The following PHKG2 variants were observed in gnomAD, a reference collection of about 807,000 sequenced individuals.
The protein encoded by PHKG2 is phosphorylase b kinase gamma catalytic chain, liver/testis isoform.
Under a neutral mutation model 44.5 loss-of-function variants are expected in PHKG2, and 28 were observed. The ratio of observed to expected loss-of-function variants is 0.63; its 90% confidence interval spans 0.47 to 0.86. The LOEUF (loss-of-function observed/expected upper bound fraction) is 0.86. Ranked by LOEUF, PHKG2 falls within the 40% of genes least tolerant of loss-of-function variation. The pLI is 0.00. For synonymous variants in PHKG2, 220 were observed against 211.2 expected, an observed-to-expected ratio of 1.04 and a Z score of -0.36; for missense variants, 498 against 547.5, an observed-to-expected ratio of 0.91 and a Z score of 0.90.
intron 2 of PHKG2, among the ~76,000 whole-genome samples, chr16:30,749,620 A>G (rs1361302445): frequency 5.9e-5 from 9 of 152,198 alleles, no homozygotes; most frequent in African/African-American, 1.9e-4. Context: ...CTGGGATTAC[A>G]GGCGTGAGCC....
chr16:30,760,402 G>A lies in PHKG2; in HGVS notation c.*3305G>A, dbSNP rs1289601302. The A allele has an allele frequency of 3.1e-6, 5 of 1,614,056 alleles. No homozygotes were observed. Among genetic ancestry groups the A allele is most frequent in the African/African-American group, 1.3e-5 (1 of 74,926 alleles). On this transcript the variant is annotated 3_prime_UTR_variant, in exon 10 of 10. Coordinates refer to ENST00000563588, the MANE Select transcript of PHKG2 (RefSeq NM_000294.3). ...GGCAGAAGAGGTCCAGGGTGATGGC[G>A]TCCCTCAGGCTCTGCTCAGGACACC...
rs1427592127 is a variant in PHKG2, at chr16:30,760,742, G to A, written c.*3645G>A. 1.4e-6 allele frequency: 2 copies of A among 1,393,068 alleles called. No homozygotes were observed. The highest frequency in any genetic ancestry group is 2.9e-5 in the African/African-American group (2 of 69,856). 86.3% of individuals were successfully genotyped at this position (1,393,068 alleles called of 1,614,324 possible). On this transcript the variant is annotated 3_prime_UTR_variant, in exon 10 of 10. Transcript: ENST00000563588. The stretch of plus-strand genomic sequence containing the variant: ...CAAGGCTGTGACAGCTAGTGCGTGA[G>A]ACTGGGAGTTGGCCACCGGCGTGAA...
Position 30,756,573 on chromosome 16 carries a change from C to T in PHKG2, c.802-17C>T, listed in dbSNP as rs772388120. 6.0e-5 allele frequency: 97 copies of T among 1,613,426 alleles called. 2 individuals are homozygous for T. In the Admixed American group the frequency reaches 1.6e-3, roughly 27 times the overall value. On this transcript the variant is annotated splice_polypyrimidine_tract_variant and intron_variant, in intron 8 of 9. Coordinates refer to ENST00000563588, the MANE Select transcript of PHKG2 (RefSeq NM_000294.3). ...GGAGGCCCAAGAGCTGCCCCTCATG[C>T]TCTGGGTCTCTCCTAGATCTCCAGG...
intron 4 of PHKG2, chr16:30,751,920 C>G (rs2053351599): frequency 2.8e-6 from 1 of 354,084 alleles, no homozygotes; most frequent in Non-Finnish European, 5.5e-6. Context: ...AGTGAAACCC[C>G]ATCTCTACTA....
chr16:30,750,976 A>T lies in PHKG2; in HGVS notation c.96-130A>T, dbSNP rs185217162. 4.2e-5 allele frequency: 40 copies of T among 941,208 alleles called. No homozygotes were observed. The Admixed American group carries it at 7.5e-4, about 18-fold the overall frequency. 58.3% of individuals were successfully genotyped at this position (941,208 alleles called of 1,614,324 possible). The stretch of plus-strand genomic sequence containing the variant: ...GCTGTGAAGCCAGGGTGAGCTCCTA[A>T]GCTTGTTGCCCTGTGATCCAGATGG... On this transcript the variant is annotated intron_variant, in intron 2 of 9. Transcript: ENST00000563588.
Position 30,759,594 on chromosome 16 carries a change from A to T in PHKG2, c.*2497A>T, listed in dbSNP as rs766437980. 26 of 1,613,976 alleles carry T rather than the reference A, an allele frequency of 1.6e-5. No individual in the cohort carries two copies. The highest frequency in any genetic ancestry group is 2.1e-5 in the Non-Finnish European group (25 of 1,180,032). ...GATAAGGGTGATGAATGTGAGAGAG[A>T]CTGGGTGAGACCTTGTCTGGGGATG... On this transcript the variant is annotated 3_prime_UTR_variant, in exon 10 of 10. Transcript: ENST00000563588.
In PHKG2 at chr16:30,751,807, C is replaced by T. The variant is rs944518545; in HGVS notation, c.326+204C>T. The stretch of plus-strand genomic sequence containing the variant: ...ATTGAGGCAAATTCTTTAATAGTGA[C>T]TAGTGGCTGGGTGCAGTGGCTCACG... On this transcript the variant is annotated intron_variant, in intron 4 of 9. Coordinates refer to ENST00000563588, the MANE Select transcript of PHKG2 (RefSeq NM_000294.3). 32 of 655,764 alleles carry T rather than the reference C, an allele frequency of 4.9e-5. No individual in the cohort carries two copies. The African/African-American group carries it at 5.5e-4, about 11-fold the overall frequency. The allele number at this position is 655,764 out of a possible 1,614,324, so 40.6% of individuals were successfully genotyped here. A position where few individuals can be genotyped will look rare whatever the true frequency, so the allele number is the denominator to read the frequency against.
chr16:30,751,159 T>C lies in PHKG2; in HGVS notation c.149T>C (p.Phe50Ser). The part of the protein sequence containing the change: ...RCVHRATGHE[F>S]AVKIMEVTAE... Reference sequence around the variant, plus strand: ...GTTCATCGAGCTACTGGCCACGAGTTTGCGGTGAAGATTATGGAAGTGACA... The same window carrying C: ...GTTCATCGAGCTACTGGCCACGAGTCTGCGGTGAAGATTATGGAAGTGACA... Residue 50 changes from phenylalanine (F) to serine (S), a missense_variant, in exon 3 of 10, where the codon TTT becomes TCT. Phe to Ser is a radical substitution (Grantham distance 155). Transcript: ENST00000563588. 6.2e-7 allele frequency: 1 copy of C among 1,613,998 alleles called. No homozygotes were observed. The highest frequency in any genetic ancestry group is 2.2e-5 in the East Asian group (1 of 44,888).
chr16:30,748,461 C>T lies in PHKG2; in HGVS notation c.-48C>T. The T allele has an allele frequency of 3.1e-6, 1 of 317,534 alleles. No homozygotes were observed. Among genetic ancestry groups the T allele is most frequent in the Non-Finnish European group, 5.9e-6 (1 of 169,484 alleles). 19.7% of individuals were successfully genotyped at this position (317,534 alleles called of 1,614,324 possible). On this transcript the variant is annotated 5_prime_UTR_variant, in exon 1 of 10. Coordinates refer to ENST00000563588, the MANE Select transcript of PHKG2 (RefSeq NM_000294.3). Reference sequence around the variant, plus strand: ...AACCCGGCGACAGCGCAGCTCGCGTCGACCCTGGCTCCTCTGCCTGCCCCC... The same window carrying T: ...AACCCGGCGACAGCGCAGCTCGCGTTGACCCTGGCTCCTCTGCCTGCCCCC...
chr16:30,748,859 C>G lies in PHKG2; in HGVS notation c.39C>G (p.Asp13Glu), dbSNP rs1032047144. Residue 13 changes from aspartate (D) to glutamate (E), a missense_variant, in exon 2 of 10, where the codon GAC becomes GAG. Asp to Glu is a conservative substitution (Grantham distance 45). Transcript: ENST00000563588. ...TGGGGCCGGAGGATGAGCTGCCCGA[C>G]TGGGCCGCCGCCAAAGAGTTTTACC... ...LDVGPEDELP[D>E]WAAAKEFYQK... 3 of 1,554,078 alleles carry G rather than the reference C, an allele frequency of 1.9e-6. No individual in the cohort carries two copies. The highest frequency in any genetic ancestry group is 2.6e-6 in the Non-Finnish European group (3 of 1,148,334).
rs1486564205 is a variant in PHKG2 at position 30,753,406 on chromosome 16, G to T, written c.405G>T (p.Arg135=). ...CCCCTTCCCCCAGGTCCATCATGCG[G>T]TCTCTGCTGGAAGCAGTGAGCTTTC... ...LSEKETRSIM[R]SLLEAVSFLH... The change falls in exon 6 of 10, where the codon CGG becomes CGT. Residue 135 remains arginine, a synonymous_variant. Coordinates refer to ENST00000563588, the MANE Select transcript of PHKG2 (RefSeq NM_000294.3). The T allele has an allele frequency of 2.5e-6, 4 of 1,614,178 alleles. No individual in the cohort carries two copies. The East Asian group carries it at 6.7e-5, about 27-fold the overall frequency.
chr16:30,752,324 G>A (rs2053362212), intron 4 of PHKG2, among the ~76,000 whole-genome samples: 1 of 147,180 alleles, frequency 6.8e-6, no homozygotes, highest in African/African-American at 2.5e-5. Context: ...CCCGGGAGGC[G>A]GAGGTTGCAG....
chr16:30,748,897 C>T lies in PHKG2; in HGVS notation c.77C>T (p.Pro26Leu), dbSNP rs2053292086. Reference protein sequence around the residue: ...AAKEFYQKYDPKDVIGRGVSS... With the variant: ...AAKEFYQKYDLKDVIGRGVSS... ...AAAGAGTTTTACCAGAAGTACGACC[C>T]TAAGGACGTCATCGGCAGGTAAGGC... is the stretch of plus-strand genomic sequence containing the variant. The change falls in exon 2 of 10, where the codon CCT (proline) becomes CTT (leucine). Residue 26 changes from proline (P) to leucine (L), a missense_variant. Coordinates refer to ENST00000563588, the MANE Select transcript of PHKG2 (RefSeq NM_000294.3). 1 of 1,553,782 alleles carries T rather than the reference C, an allele frequency of 6.4e-7. No homozygotes were observed. Among genetic ancestry groups the T allele is most frequent in the Non-Finnish European group, 8.7e-7 (1 of 1,148,056 alleles).
chr16:30,751,727 A>G lies in PHKG2; in HGVS notation c.326+124A>G, dbSNP rs1299948907. ...CTTCCTGTTCCAGCTGGGGCTCTCT[A>G]TCACCTGGGCCTGCCTGCTAGCGCA... On this transcript the variant is annotated intron_variant, in intron 4 of 9. Transcript: ENST00000563588. The G allele has an allele frequency of 8.0e-6, 7 of 873,832 alleles. No individual in the cohort carries two copies. In the African/African-American group the frequency reaches 9.9e-5, roughly 12 times the overall value. 54.1% of individuals were successfully genotyped at this position (873,832 alleles called of 1,614,324 possible).
chr16:30,748,622 C>T lies in PHKG2; in HGVS notation c.-19+132C>T, dbSNP rs2053284178. On this transcript the variant is annotated intron_variant, in intron 1 of 9. Coordinates refer to ENST00000563588, the MANE Select transcript of PHKG2 (RefSeq NM_000294.3). ...CTCCCCACTCCCCTCCCTGCCCTGC[C>T]ATCCTCCCGCCCCCAGGCTCTTCTG... 47 of 587,780 alleles carry T rather than the reference C, an allele frequency of 8.0e-5. 1 individual carries two copies. The South Asian group carries it at 9.4e-4, about 12-fold the overall frequency. The allele number at this position is 587,780 out of a possible 1,614,324, so 36.4% of individuals were successfully genotyped here. A position where few individuals can be genotyped will look rare whatever the true frequency, so the allele number is the denominator to read the frequency against.
intron 4 of PHKG2, 92 bp downstream of exon 4, chr16:30,751,695 C>CG: frequency 9.6e-7 from 1 of 1,039,078 alleles, no homozygotes; most frequent in South Asian, 1.3e-5. Context: ...ACCCATCCTG[C>CG]TCACACCTTC....
In PHKG2 at chr16:30,758,725, T is replaced by G; in HGVS notation, c.*1628T>G. 2.4e-6 allele frequency: 1 copy of G among 421,844 alleles called. No individual in the cohort carries two copies. Among genetic ancestry groups the G allele is most frequent in the East Asian group, 5.2e-5 (1 of 19,096 alleles). 26.1% of individuals were successfully genotyped at this position (421,844 alleles called of 1,614,324 possible). A position where few individuals can be genotyped will look rare whatever the true frequency, so the allele number is the denominator to read the frequency against. ...CGCGCACCACCATGCCTGGCTATTT[T>G]TTGTATTTTAGTAGATAGGGGGTTT... On this transcript the variant is annotated 3_prime_UTR_variant, in exon 10 of 10. Coordinates refer to ENST00000563588, the MANE Select transcript of PHKG2 (RefSeq NM_000294.3).
chr16:30,759,778 C>A lies in PHKG2; in HGVS notation c.*2681C>A. 1 of 1,554,218 alleles carries A rather than the reference C, an allele frequency of 6.4e-7. No homozygotes were observed. Among genetic ancestry groups the A allele is most frequent in the Non-Finnish European group, 8.7e-7 (1 of 1,152,586 alleles). ...AGGCCCTCTCTGGTATCCATTCATT[C>A]ACTTCACTCAACAGCTGTTTATGAC... On this transcript the variant is annotated 3_prime_UTR_variant, in exon 10 of 10. Coordinates refer to ENST00000563588, the MANE Select transcript of PHKG2 (RefSeq NM_000294.3).
Position 30,761,174 on chromosome 16 carries a change from T to C in PHKG2, c.*4077T>C, listed in dbSNP as rs760747798. On this transcript the variant is annotated 3_prime_UTR_variant, in exon 10 of 10. Coordinates refer to ENST00000563588, the MANE Select transcript of PHKG2 (RefSeq NM_000294.3). ...CAATAAAGAACGCAAATATTCAGTG[T>C]AATTTTTGTCTCTTCACACTCACCA... 2 of 1,612,892 alleles carry C rather than the reference T, an allele frequency of 1.2e-6. No individual in the cohort carries two copies. Among genetic ancestry groups the C allele is most frequent in the Admixed American group, 1.7e-5 (1 of 60,014 alleles).
Sources: gnomAD v4.1 joint callset for allele counts (sites outside exome capture counted in the v4.1 genomes callset) on GRCh38, gnomAD v4.1.1 for gene constraint, MANE v1.5 for transcripts, NCBI Gene and HGNC (gene_info 2026-07-23, HGNC 2026-07-21) for gene names.